GRIK1: variants seen among roughly 807,000 people sequenced by gnomAD.
GRIK1 encodes glutamate ionotropic receptor kainate type subunit 1.
In GRIK1, 69 loss-of-function variants were observed where a neutral mutation model predicts 105.7. The observed-to-expected ratio is 0.65, with a 90% CI of 0.54 to 0.80. GRIK1 has a LOEUF of 0.80. GRIK1 is among the 30% of genes least tolerant of loss of function. The pLI is 0.00. For synonymous variants in GRIK1, 438 were observed against 431.3 expected (o/e 1.02, Z -0.19); for missense variants, 1,109 against 1,167.3 (o/e 0.95, Z 0.73).
intron 1 of GRIK1, among the ~76,000 whole-genome samples, chr21:29,808,507 A>G (rs1028683565): frequency 2.0e-5 from 3 of 152,202 alleles, no homozygotes; most frequent in African/African-American, 7.2e-5. Context: ...TATATATTAG[A>G]GTAATTACCA....
chr21:29,591,975 C>T (rs965306137), intron 9 of GRIK1, among the ~76,000 whole-genome samples: 11 of 152,122 alleles, frequency 7.2e-5, no homozygotes, highest in African/African-American at 2.4e-4. Context: ...GGCTTGGGTT[C>T]AGGAAGTCAA....
chr21:29,786,074 G>C (rs553018321), intron 1 of GRIK1, among the ~76,000 whole-genome samples: 1 of 152,302 alleles, frequency 6.6e-6, no homozygotes, highest in Admixed American at 6.5e-5. Context: ...TGCAACCTCT[G>C]ACTCTCTGGG....
At chr21:29,708,016 C>T (rs372283952) in intron 1 of GRIK1, among the ~76,000 whole-genome samples, 16 of 152,172 alleles carry the variant, frequency 1.1e-4, no homozygotes, top group East Asian at 7.7e-4. Context: ...CTTGTAATTA[C>T]GAAACATAAG....
At chr21:29,892,354 T>C (rs2069933924) in intron 1 of GRIK1, among the ~76,000 whole-genome samples, 1 of 152,242 alleles carries the variant, frequency 6.6e-6, no homozygotes, top group Non-Finnish European at 1.5e-5. Context: ...ACAAGCATGT[T>C]CACTAGAGCA....
At chr21:29,543,402 G>T (rs1601068931) in intron 16 of GRIK1, among the ~76,000 whole-genome samples, 1 of 152,298 alleles carries the variant, frequency 6.6e-6, no homozygotes, top group South Asian at 2.1e-4. Flanking sequence ...TAAGAGCAGA[G>T]GTCAGGCTTT....
chr21:29,757,150 A>T (rs183328331), intron 1 of GRIK1, among the ~76,000 whole-genome samples: 159 of 151,698 alleles, frequency 1.0e-3, no homozygotes, highest in East Asian at 9.5e-3. Flanking sequence ...TAAAAAATTT[A>T]AAAAAAAAGA....
At chr21:29,766,241 C>G (rs554538462) in intron 1 of GRIK1, among the ~76,000 whole-genome samples, 1 of 152,284 alleles carries the variant, frequency 6.6e-6, no homozygotes, top group Non-Finnish European at 1.5e-5. Context: ...GCATGATGTT[C>G]TTAATATAAA....
intron 10 of GRIK1, among the ~76,000 whole-genome samples, chr21:29,590,380 C>T (rs2061315345): frequency 1.3e-5 from 2 of 152,174 alleles, no homozygotes; most frequent in African/African-American, 4.8e-5. Flanking sequence ...GCCCAACTCC[C>T]TGGAGAAAGG....
At chr21:29,792,712 G>T (rs964982554) in intron 1 of GRIK1, among the ~76,000 whole-genome samples, 1 of 152,172 alleles carries the variant, frequency 6.6e-6, no homozygotes, top group Non-Finnish European at 1.5e-5. Context: ...AGTTCCGAAG[G>T]CATGGTGTGG....
intron 1 of GRIK1, among the ~76,000 whole-genome samples, chr21:29,726,374 A>T (rs905112582): frequency 2.0e-5 from 3 of 152,210 alleles, no homozygotes; most frequent in African/African-American, 7.2e-5. Flanking sequence ...GCCTAATTAT[A>T]TATTAAACAT....
At chr21:29,584,991 C>T (rs2065455411) in intron 12 of GRIK1, among the ~76,000 whole-genome samples, 1 of 152,160 alleles carries the variant, frequency 6.6e-6, no homozygotes, top group Non-Finnish European at 1.5e-5. Flanking sequence ...GTAGAATCTT[C>T]ATGACAGTAC....
At chr21:29,630,860 C>A (rs546672681) in intron 7 of GRIK1, 21 of 329,560 alleles carry the variant, frequency 6.4e-5, no homozygotes, top group African/African-American at 4.4e-4. Flanking sequence ...AGTGCAGTGG[C>A]GAGATCATGG....
intron 3 of GRIK1, among the ~76,000 whole-genome samples, chr21:29,684,373 A>G (rs2063445872): frequency 6.6e-6 from 1 of 152,132 alleles, no homozygotes. Flanking sequence ...TATCTAATTG[A>G]TCATCTACCT....
chr21:29,635,351 G>A (rs894713695), intron 7 of GRIK1, among the ~76,000 whole-genome samples: 1 of 152,158 alleles, frequency 6.6e-6, no homozygotes, highest in South Asian at 2.1e-4. Context: ...AAGAGGTCAC[G>A]AGAGTGGTAG....
intron 1 of GRIK1, among the ~76,000 whole-genome samples, chr21:29,879,856 T>C (rs201299357): frequency 1.4e-5 from 1 of 71,846 alleles, no homozygotes; most frequent in South Asian, 5.3e-4. Context: ...AGTTCTTTGA[T>C]TTTTTTTTTA....
At chr21:29,618,377 G>A (rs926290027) in intron 7 of GRIK1, among the ~76,000 whole-genome samples, 1 of 152,172 alleles carries the variant, frequency 6.6e-6, no homozygotes, top group Non-Finnish European at 1.5e-5. Context: ...TGGTGTGGAT[G>A]CAATGTAAAG....
intron 1 of GRIK1, among the ~76,000 whole-genome samples, chr21:29,716,874 A>T (rs2064191527): frequency 6.6e-6 from 1 of 152,380 alleles, no homozygotes; most frequent in Non-Finnish European, 1.5e-5. Flanking sequence ...CCTCCAGGGC[A>T]TGCCAGAGAC....
chr21:29,772,808 T>C (rs1472957961), intron 1 of GRIK1, among the ~76,000 whole-genome samples: 1 of 152,212 alleles, frequency 6.6e-6, no homozygotes, highest in Non-Finnish European at 1.5e-5. Flanking sequence ...ACTTAATGGT[T>C]ATGTTGGGTT....
At chr21:29,858,798 C>T (rs974492044) in intron 1 of GRIK1, among the ~76,000 whole-genome samples, 2 of 151,528 alleles carry the variant, frequency 1.3e-5, no homozygotes, top group South Asian at 4.2e-4. Context: ...ATAGAAAAGC[C>T]CTTCACTCCA....
Sources: gnomAD v4.1 joint callset for allele counts (sites outside exome capture counted in the v4.1 genomes callset) on GRCh38, gnomAD v4.1.1 for gene constraint, MANE v1.5 for transcripts, NCBI Gene and HGNC (gene_info 2026-07-23, HGNC 2026-07-21) for gene names.